SLC38A9: variants seen among roughly 807,000 people sequenced by gnomAD.
SLC38A9 encodes neutral amino acid transporter 9.
Under a neutral mutation model 62.3 loss-of-function variants are expected in SLC38A9, and 48 were observed. The observed-to-expected ratio is 0.77, with a 90% CI of 0.61 to 0.98. The LOEUF (loss-of-function observed/expected upper bound fraction) is 0.98. SLC38A9 is among the 50% of genes least tolerant of loss of function. The pLI is 0.00. For missense variants in SLC38A9, 541 were observed against 679.8 expected (o/e 0.80, Z 2.27); for synonymous variants, 204 against 227.7 (o/e 0.90, Z 0.94).
intron 11 of SLC38A9, among the ~76,000 whole-genome samples, 170 bp downstream of exon 11, chr5:55,649,032 GGTTAC>G (rs1411978247): frequency 2.0e-5 from 3 of 152,036 alleles, no homozygotes; most frequent in African/African-American, 7.2e-5. Context: ...AAAGGGCCCT[GGTTAC>G]CACTAACTGC....
At chr5:55,684,661 T>C (rs926379226) in intron 3 of SLC38A9, among the ~76,000 whole-genome samples, 6 of 152,196 alleles carry the variant, frequency 3.9e-5, no homozygotes, top group Non-Finnish European at 7.3e-5. Context: ...TGTTTGTTTG[T>C]TTGCTTTTCT....
At chr5:55,636,900 G>A (rs987219482) in intron 12 of SLC38A9, among the ~76,000 whole-genome samples, 14 of 152,152 alleles carry the variant, frequency 9.2e-5, no homozygotes, top group South Asian at 2.1e-4. Context: ...GAGGATGACC[G>A]GGCACAGTTT....
At chr5:55,695,336 A>G (rs1446209763) in intron 3 of SLC38A9, among the ~76,000 whole-genome samples, 2 of 97,428 alleles carry the variant, frequency 2.1e-5, no homozygotes, top group African/African-American at 6.5e-5. Flanking sequence ...GCAGGGTCAT[A>G]GGACAATAGT....
chr5:55,659,880 G>A (rs4326104), intron 8 of SLC38A9, among the ~76,000 whole-genome samples: 1 of 151,210 alleles, frequency 6.6e-6, no homozygotes, highest in African/African-American at 2.4e-5. Context: ...ATTCTCCTGC[G>A]TCAGCCTCCC....
chr5:55,636,204 T>C (rs899826934), intron 12 of SLC38A9, among the ~76,000 whole-genome samples: 2 of 152,152 alleles, frequency 1.3e-5, no homozygotes, highest in African/African-American at 4.8e-5. Flanking sequence ...AAGACAAGCT[T>C]AATAAATCTA....
At chr5:55,666,382 A>G (rs1750469065) in intron 7 of SLC38A9, among the ~76,000 whole-genome samples, 1 of 152,176 alleles carries the variant, frequency 6.6e-6, no homozygotes, top group Non-Finnish European at 1.5e-5. Flanking sequence ...TCAAAGGATA[A>G]TTTTACAGTC....
intron 2 of SLC38A9, among the ~76,000 whole-genome samples, chr5:55,706,452 C>T (rs527571808): frequency 6.6e-6 from 1 of 152,184 alleles, no homozygotes; most frequent in South Asian, 2.1e-4. Context: ...CTAGAAAGAT[C>T]CTTGGATTTC....
intron 2 of SLC38A9, among the ~76,000 whole-genome samples, chr5:55,703,798 G>A (rs979420937): frequency 4.6e-5 from 7 of 152,306 alleles, no homozygotes; most frequent in African/African-American, 1.7e-4. Context: ...GTTTAAAACT[G>A]TCAAATTGAC....
chr5:55,692,972 T>G (rs1216320464), intron 3 of SLC38A9: 3 of 983,330 alleles, frequency 3.1e-6, no homozygotes, highest in Non-Finnish European at 3.6e-6. Flanking sequence ...CCTCTAGTTT[T>G]AAGAAAGACT....
At chr5:55,657,523 TTTTA>T (rs1748669702) in intron 8 of SLC38A9, among the ~76,000 whole-genome samples, 2 of 151,394 alleles carry the variant, frequency 1.3e-5, no homozygotes, top group South Asian at 4.2e-4. Flanking sequence ...CAATACATAC[TTTTA>T]TAGATCTAAG....
chr5:55,708,075 T>C (rs1284194848), intron 2 of SLC38A9, among the ~76,000 whole-genome samples: 1 of 152,206 alleles, frequency 6.6e-6, no homozygotes, highest in African/African-American at 2.4e-5. Flanking sequence ...TAGCCTCAAG[T>C]ATTTCATTAG....
At chr5:55,649,900 T>G (rs1747084805) in intron 10 of SLC38A9, among the ~76,000 whole-genome samples, 1 of 152,140 alleles carries the variant, frequency 6.6e-6, no homozygotes, top group Non-Finnish European at 1.5e-5. Flanking sequence ...ACTGCTTCAT[T>G]TACTTATGAG....
In SLC38A9 at chr5:55,696,121, G is replaced by A. The variant is rs1233006735; in HGVS notation, c.113+1725C>T. The A allele has an allele frequency of 1.3e-4, 8 of 61,720 alleles. 2 individuals carry two copies. Among genetic ancestry groups the A allele is most frequent in the Admixed American group, 1.2e-3 (8 of 6,550 alleles). 3.8% of individuals were successfully genotyped at this position (61,720 alleles called of 1,614,324 possible). ...GACGGGGCGGCTGGCCGGGTGGGGG[G>A]CTGACCCCCCCACCTCCCTCCCGGA... On this transcript the variant is annotated intron_variant, in intron 3 of 15. Coordinates refer to ENST00000396865, the MANE Select transcript of SLC38A9 (RefSeq NM_173514.4).
intron 12 of SLC38A9, among the ~76,000 whole-genome samples, chr5:55,643,955 CTT>C (rs1491188742): frequency 1.3e-5 from 2 of 151,970 alleles, no homozygotes; most frequent in South Asian, 4.1e-4. Context: ...CTGAAAATCT[CTT>C]TTATTTATTT....
chr5:55,629,594 A>G (rs1483497393), intron 14 of SLC38A9, among the ~76,000 whole-genome samples: 3 of 152,174 alleles, frequency 2.0e-5, no homozygotes, highest in Admixed American at 2.0e-4. Context: ...GGCTGAGCTG[A>G]AGGGGACCTA....
At chr5:55,673,937 C>G (rs968707267) in intron 3 of SLC38A9, among the ~76,000 whole-genome samples, 2 of 152,276 alleles carry the variant, frequency 1.3e-5, no homozygotes, top group Admixed American at 1.3e-4. Context: ...GTCTCCAACT[C>G]CTGACCTCAG....
intron 2 of SLC38A9, among the ~76,000 whole-genome samples, chr5:55,699,572 G>C (rs1272010298): frequency 2.0e-5 from 3 of 152,100 alleles, no homozygotes; most frequent in Non-Finnish European, 4.4e-5. Flanking sequence ...AGAAACAAAA[G>C]CAGAAACAGA....
rs1561397701 is a variant in SLC38A9, at chr5:55,678,645, C to CTTTGT, written c.114-5951_114-5950insACAAA. Among the ~76,000 whole-genome samples the CTTTGT allele has an allele frequency of 8.1e-4, 37 of 45,828 alleles. 2 individuals are homozygous for CTTTGT. The highest frequency in any genetic ancestry group is 1.3e-3 in the Non-Finnish European group (29 of 23,086). The allele number at this position is 45,828 out of a possible 152,430, so 30.1% of individuals were successfully genotyped here. Reference sequence around the variant, plus strand: ...AATTGTTGGATAAGACTGAAATGAACTTTTTTTTTTTTTTTTTTTTTTTTT... The same window carrying CTTTGT: ...AATTGTTGGATAAGACTGAAATGAACTTTGTTTTTTTTTTTTTTTTTTTTTTTTTT... On this transcript the variant is annotated intron_variant, in intron 3 of 15. Coordinates refer to ENST00000396865, the MANE Select transcript of SLC38A9 (RefSeq NM_173514.4).
intron 3 of SLC38A9, among the ~76,000 whole-genome samples, chr5:55,674,837 A>G (rs1751861175): frequency 6.6e-6 from 1 of 152,226 alleles, no homozygotes; most frequent in Admixed American, 6.5e-5. Context: ...ATCCCAAAGC[A>G]TTATGATGTC....
Sources: allele counts gnomAD v4.1 joint callset (sites outside exome capture counted in the v4.1 genomes callset), GRCh38; gene constraint gnomAD v4.1.1; transcripts MANE v1.5; gene names NCBI Gene and HGNC (gene_info 2026-07-23, HGNC 2026-07-21).